The following HORMAD2 variants were observed in gnomAD, a reference collection of about 807,000 sequenced individuals.
The protein encoded by HORMAD2 is HORMA domain containing 2, also known as HORMA domain-containing protein 2.
A neutral mutation model predicts 38.8 loss-of-function variants in HORMAD2; 45 were observed. The ratio of observed to expected loss-of-function variants is 1.16; its 90% CI spans 0.91 to 1.49. The LOEUF is 1.49. Among genes scored for constraint, HORMAD2 ranks in the 40% most tolerant of loss-of-function variants. The pLI, the probability that HORMAD2 is intolerant of heterozygous loss-of-function variation, is 0.00. For synonymous variants in HORMAD2, 126 were observed against 122.8 expected (o/e 1.03, Z -0.17); for missense variants, 338 against 367.0 (o/e 0.92, Z 0.65).
the HORMAD2 span, among the ~76,000 whole-genome samples, chr22:30,191,868 C>T: frequency 6.6e-6 from 1 of 152,138 alleles, no homozygotes; most frequent in East Asian, 1.9e-4. Context: ...ATCATCTGTC[C>T]ATACCCACCT....
At chr22:30,183,554 C>T in the HORMAD2 span, among the ~76,000 whole-genome samples, 1 of 152,312 alleles carries the variant, frequency 6.6e-6, no homozygotes, top group African/African-American at 2.4e-5. Context: ...ATCCTCTTCA[C>T]CAACTGAAGC....
chr22:30,103,948 C>T (rs1921002032), intron 4 of HORMAD2, among the ~76,000 whole-genome samples: 1 of 151,558 alleles, frequency 6.6e-6, no homozygotes, highest in South Asian at 2.1e-4. Flanking sequence ...GTGTGAGCCA[C>T]TGCCCTGACC....
intron 1 of HORMAD2, among the ~76,000 whole-genome samples, 198 bp downstream of exon 1, chr22:30,080,689 C>T (rs2068455053): frequency 6.6e-6 from 1 of 152,016 alleles, no homozygotes; most frequent in Non-Finnish European, 1.5e-5. Context: ...AGGAGGAAGG[C>T]AAAAGGGAGG....
intron 1 of HORMAD2, among the ~76,000 whole-genome samples, chr22:30,091,234 C>T (rs113743156): frequency 6.9e-5 from 10 of 145,102 alleles, no homozygotes; most frequent in African/African-American, 1.8e-4. Flanking sequence ...TTTTCTCTTT[C>T]TCTCTCTCTC....
chr22:30,146,535 C>T (rs1455936419), intron 10 of HORMAD2, among the ~76,000 whole-genome samples: 1 of 151,942 alleles, frequency 6.6e-6, no homozygotes, highest in East Asian at 1.9e-4. Flanking sequence ...TTCAGGAAAA[C>T]AAGGAGTATA....
chr22:30,191,156 T>C, the HORMAD2 span, among the ~76,000 whole-genome samples: 18 of 152,080 alleles, frequency 1.2e-4, no homozygotes, highest in Non-Finnish European at 1.8e-4. Flanking sequence ...TTCCAAAAGT[T>C]TGGAGAAGTT....
chr22:30,163,637 A>T (rs866591838), intron 10 of HORMAD2, among the ~76,000 whole-genome samples: 8 of 152,040 alleles, frequency 5.3e-5, no homozygotes, highest in South Asian at 2.1e-4. Flanking sequence ...CATGTTGCCC[A>T]GGCTGTTCTC....
chr22:30,173,014 G>A (rs1040248184), intron 10 of HORMAD2, among the ~76,000 whole-genome samples: 8 of 152,190 alleles, frequency 5.3e-5, no homozygotes, highest in African/African-American at 1.9e-4. Flanking sequence ...AGCTGTGGGG[G>A]TGTCAGGGAA....
intron 10 of HORMAD2, among the ~76,000 whole-genome samples, chr22:30,146,307 A>T (rs916330983): frequency 1.3e-5 from 2 of 152,110 alleles, no homozygotes; most frequent in African/African-American, 4.8e-5. Flanking sequence ...CCTGTCCAAC[A>T]TGGTGAAACC....
chr22:30,087,401 G>A (rs112772975), intron 1 of HORMAD2, among the ~76,000 whole-genome samples: 1,557 of 152,190 alleles, frequency 0.01, 29 homozygotes, highest in African/African-American at 0.035. Context: ...CTGGGTTGGG[G>A]ATATACACAT....
chr22:30,185,872 A>AT, the HORMAD2 span, among the ~76,000 whole-genome samples: 1 of 151,876 alleles, frequency 6.6e-6, no homozygotes, highest in African/African-American at 2.4e-5. Context: ...AAAAAAAAAA[A>AT]AATAAAAAGA....
At chr22:30,200,844 G>T in the HORMAD2 span, among the ~76,000 whole-genome samples, 3 of 151,752 alleles carry the variant, frequency 2.0e-5, no homozygotes, top group African/African-American at 7.3e-5. Flanking sequence ...CTGCCTCCTG[G>T]GTTCAAGCGA....
chr22:30,135,721 G>A (rs1923605586), intron 10 of HORMAD2, among the ~76,000 whole-genome samples: 1 of 152,116 alleles, frequency 6.6e-6, no homozygotes, highest in African/African-American at 2.4e-5. Context: ...GACTCCAGAA[G>A]GGTTACATGT....
intron 1 of HORMAD2, among the ~76,000 whole-genome samples, chr22:30,087,350 T>C (rs919650192): frequency 1.3e-5 from 2 of 152,198 alleles, no homozygotes; most frequent in Non-Finnish European, 2.9e-5. Context: ...AACAGTCTTA[T>C]GATCAGTTAG....
chr22:30,196,792 A>G, the HORMAD2 span, among the ~76,000 whole-genome samples: 6 of 152,222 alleles, frequency 3.9e-5, no homozygotes, highest in East Asian at 1.9e-4. Context: ...TTTCACCTCA[A>G]GCCCTAGCTA....
At position 30,157,632 on chromosome 22, in the gene HORMAD2, T is replaced by C. The variant is rs573976717; in HGVS notation, c.820-18431T>C. Among the ~76,000 whole-genome samples the C allele has an allele frequency of 2.0e-5, 3 of 152,332 alleles. No individual in the cohort carries two copies. The South Asian group carries it at 6.2e-4, about 32-fold the overall frequency. On this transcript the variant is annotated intron_variant, in intron 10 of 10. Coordinates refer to ENST00000336726, the MANE Select transcript of HORMAD2 (RefSeq NM_152510.4). ...TATGCATTTCAGTTTTCAGTGTCTC[T>C]AGCTTCTGTGATCCTCTTTTTCTTC...
At chr22:30,102,078 ATTATC>A (rs1251660299) in intron 3 of HORMAD2, among the ~76,000 whole-genome samples, 4 of 152,098 alleles carry the variant, frequency 2.6e-5, no homozygotes, top group Non-Finnish European at 4.4e-5. Context: ...AAAAAAAAAA[ATTATC>A]TTAAGTAATG....
At chr22:30,146,588 T>C (rs1924434913) in intron 10 of HORMAD2, among the ~76,000 whole-genome samples, 1 of 152,094 alleles carries the variant, frequency 6.6e-6, no homozygotes, top group African/African-American at 2.4e-5. Flanking sequence ...ACAAAGAACC[T>C]AAAGGTGACA....
At chr22:30,181,623 G>A (rs1926721541), downstream of HORMAD2, among the ~76,000 whole-genome samples, 1 of 152,164 alleles carries the variant, frequency 6.6e-6, no homozygotes, top group African/African-American at 2.4e-5. Flanking sequence ...AAGTTTAAAG[G>A]GAACTTTGTA....
Sources: allele counts gnomAD v4.1 joint callset (sites outside exome capture counted in the v4.1 genomes callset), GRCh38; gene constraint gnomAD v4.1.1; transcripts MANE v1.5; gene names NCBI Gene and HGNC (gene_info 2026-07-23, HGNC 2026-07-21).